Variants in ATRN observed in about 807,000 individuals in gnomAD.
ATRN encodes the protein attractin-2.
A neutral mutation model predicts 178.7 loss-of-function variants in ATRN; 54 were observed. The ratio of observed to expected loss-of-function variants is 0.30; its 90% CI spans 0.24 to 0.38. The LOEUF (loss-of-function observed/expected upper bound fraction) is 0.38. ATRN is among the 10% of genes least tolerant of loss of function. ATRN has a pLI of 1.00. For missense variants in ATRN, 1,443 were observed against 1,815.1 expected, an observed-to-expected ratio of 0.79 and a Z score of 3.73; for synonymous variants, 636 against 663.0, an observed-to-expected ratio of 0.96 and a Z score of 0.63.
chr20:3,559,052 A>G (rs2085916727), intron 6 of ATRN, among the ~76,000 whole-genome samples: 1 of 152,160 alleles, frequency 6.6e-6, no homozygotes. Context: ...ATGATTAAAT[A>G]AAAGAAAAGT....
In ATRN at chr20:3,535,329, GA is replaced by G; in HGVS notation, c.489del (p.Gly164AspfsTer6). The G allele has an allele frequency of 1.3e-6, 2 of 1,534,694 alleles. No homozygotes were observed. Among genetic ancestry groups the G allele is most frequent in the Non-Finnish European group, 1.8e-6 (2 of 1,131,442 alleles). On this transcript the variant is annotated frameshift_variant, in exon 2 of 29. Transcript: ENST00000262919. LOFTEE classifies it high-confidence loss of function. ...KYKTKCTWLI[E>X]GQPNRIMRLR... ...CAAAACGAAGTGCACGTGGCTCATT[GA>G]AGGACAGTAAGTAGAAATGGCTGAC...
At chr20:3,584,950 T>C (rs117315315) in intron 18 of ATRN, 70 bp downstream of exon 18, 19,355 of 1,436,094 alleles carry the variant, frequency 0.013, 212 homozygotes, top group South Asian at 0.029. Flanking sequence ...CCTTGAAAGC[T>C]ACGTTGTGTA....
In ATRN at chr20:3,471,220, C is replaced by T. The variant is rs1425260651; in HGVS notation, c.113C>T (p.Ala38Val). The T allele has an allele frequency of 3.4e-6, 5 of 1,469,398 alleles. No individual in the cohort carries two copies. In the South Asian group the frequency reaches 5.3e-5, roughly 15 times the overall value. The allele number at this position is 1,469,398 out of a possible 1,614,324, so 91.0% of individuals were successfully genotyped here. A position where few individuals can be genotyped will look rare whatever the true frequency, so the allele number is the denominator to read the frequency against. The part of the protein sequence containing the change: ...GPHWDWDVTR[A>V]GRPGLGAGLR... ...CACTGGGACTGGGACGTGACCAGGGCTGGGAGGCCGGGGCTGGGGGCCGGG... is the reference window on the plus strand; with the variant it reads ...CACTGGGACTGGGACGTGACCAGGGTTGGGAGGCCGGGGCTGGGGGCCGGG... The change falls in exon 1 of 29, where the codon GCT (alanine) becomes GTT (valine). Residue 38 changes from alanine to valine, a missense_variant. Physicochemically the swap from Ala to Val is moderately conservative, Grantham distance 64 (BLOSUM62 0). Transcript: ENST00000262919.
chr20:3,615,344 A>C (rs1003796623), intron 24 of ATRN, among the ~76,000 whole-genome samples: 1 of 150,664 alleles, frequency 6.6e-6, no homozygotes, highest in African/African-American at 2.4e-5. Context: ...CACAAGAATC[A>C]CTTGAACCCA....
intron 24 of ATRN, among the ~76,000 whole-genome samples, chr20:3,617,725 G>A (rs1466650062): frequency 6.6e-6 from 1 of 152,166 alleles, no homozygotes; most frequent in Non-Finnish European, 1.5e-5. Flanking sequence ...AAAGGTATGA[G>A]TATATGATTT....
At chr20:3,574,836 C>T (rs953142526) in intron 12 of ATRN, among the ~76,000 whole-genome samples, 1 of 152,176 alleles carries the variant, frequency 6.6e-6, no homozygotes, top group South Asian at 2.1e-4. Context: ...GGAAGAGCAG[C>T]CTAAGGAGCC....
chr20:3,539,188 A>G (rs536917274), intron 2 of ATRN, among the ~76,000 whole-genome samples: 7 of 152,348 alleles, frequency 4.6e-5, no homozygotes, highest in Non-Finnish European at 1.0e-4. Flanking sequence ...CATCAGCAGG[A>G]TATAATGATG....
intron 1 of ATRN, among the ~76,000 whole-genome samples, chr20:3,519,888 C>T: frequency 6.6e-6 from 1 of 152,004 alleles, no homozygotes; most frequent in Non-Finnish European, 1.5e-5. Context: ...GACTGCAATC[C>T]AAGAATACCA....
At chr20:3,587,965 G>C (rs897387656) in intron 18 of ATRN, among the ~76,000 whole-genome samples, 2 of 152,110 alleles carry the variant, frequency 1.3e-5, no homozygotes, top group East Asian at 1.9e-4. Flanking sequence ...TCCAGCCTCA[G>C]CCTCTCGAGT....
chr20:3,596,425 T>C lies in ATRN; in HGVS notation c.3465T>C (p.Cys1155=). The change falls in exon 21 of 29, where the codon TGT becomes TGC. Residue 1155 remains cysteine (C), a synonymous_variant. Coordinates refer to ENST00000262919, the MANE Select transcript of ATRN (RefSeq NM_139321.3). ...RYQGNPLRGT[C]YYTLLIDYQF... is the part of the protein sequence containing the mutation. Reference sequence around the variant, plus strand: ...AAGGAAACCCTCTCAGAGGAACATGTTATTGTAAGTGGTTTTGCAATTCTT... The same window carrying C: ...AAGGAAACCCTCTCAGAGGAACATGCTATTGTAAGTGGTTTTGCAATTCTT... 5.6e-6 allele frequency: 9 copies of C among 1,613,084 alleles called. No homozygotes were observed. The highest frequency in any genetic ancestry group is 7.6e-6 in the Non-Finnish European group (9 of 1,179,118).
chr20:3,551,694 T>A (rs926022204), intron 6 of ATRN, among the ~76,000 whole-genome samples: 4 of 152,194 alleles, frequency 2.6e-5, no homozygotes, highest in African/African-American at 9.6e-5. Context: ...TATCTTCTTT[T>A]CATTTTTCAG....
intron 1 of ATRN, among the ~76,000 whole-genome samples, chr20:3,500,262 G>C (rs2084938836): frequency 6.6e-6 from 1 of 152,164 alleles, no homozygotes; most frequent in Admixed American, 6.5e-5. Context: ...CAACCATTGT[G>C]GAAGTCAGTA....
chr20:3,533,701 T>G (rs528315866), intron 1 of ATRN, among the ~76,000 whole-genome samples: 58 of 151,958 alleles, frequency 3.8e-4, no homozygotes, highest in Non-Finnish European at 6.2e-4. Context: ...TATCTTTGGG[T>G]TTTTTTTATC....
At chr20:3,641,986 A>C (rs1418272616) in intron 27 of ATRN, among the ~76,000 whole-genome samples, 1 of 152,360 alleles carries the variant, frequency 6.6e-6, no homozygotes, top group East Asian at 1.9e-4. Flanking sequence ...AAAAATAGAC[A>C]AGCCTAAAGT....
In ATRN at chr20:3,549,393, A is replaced by G. The variant is rs567686443; in HGVS notation, c.1112+55A>G. The G allele has an allele frequency of 4.0e-5, 56 of 1,410,288 alleles. No individual in the cohort carries two copies. The African/African-American group carries it at 7.8e-4, about 20-fold the overall frequency. The allele number at this position is 1,410,288 out of a possible 1,614,324, so 87.4% of individuals were successfully genotyped here. On this transcript the variant is annotated intron_variant, in intron 6 of 28. Transcript: ENST00000262919. ...GCTTAGTTTTTTATTTTGAAAATTTATAAAGCACAGATAAGCAAAAATAAA... is the reference window on the plus strand; with the variant it reads ...GCTTAGTTTTTTATTTTGAAAATTTGTAAAGCACAGATAAGCAAAAATAAA...
At position 3,583,982 on chromosome 20, in the gene ATRN, T is replaced by C; in HGVS notation, c.2849T>C (p.Met950Thr). 6.2e-7 allele frequency: 1 copy of C among 1,614,134 alleles called. No homozygotes were observed. The highest frequency in any genetic ancestry group is 1.6e-4 in the Middle Eastern group (1 of 6,062). The change falls in exon 17 of 29, where the codon ATG becomes ACG. Residue 950 changes from methionine to threonine, a missense_variant. Transcript: ENST00000262919. ...GDCTSGSSECMWCSNMKQCVD... is the reference protein window; with the variant it reads ...GDCTSGSSECTWCSNMKQCVD... ...TGCACCAGCGGCAGCTCTGAGTGCA[T>C]GTGGTGCAGCAACATGAAGCAGTGT...
At chr20:3,472,852 A>G (rs955442803) in intron 1 of ATRN, among the ~76,000 whole-genome samples, 3 of 152,240 alleles carry the variant, frequency 2.0e-5, no homozygotes, top group African/African-American at 7.2e-5. Context: ...GTGCAAACAA[A>G]GTTGTGGAGG....
At chr20:3,509,358 G>C (rs139318832) in intron 1 of ATRN, among the ~76,000 whole-genome samples, 10 of 152,282 alleles carry the variant, frequency 6.6e-5, no homozygotes, top group Non-Finnish European at 1.0e-4. Context: ...ACTTAAGAAG[G>C]ATTGCTAGAG....
rs2085693529 is a variant in ATRN, at chr20:3,545,851, A to G, written c.698A>G (p.Asp233Gly). The G allele has an allele frequency of 6.2e-7, 1 of 1,613,702 alleles. No individual in the cohort carries two copies. Among genetic ancestry groups the G allele is most frequent in the Non-Finnish European group, 8.5e-7 (1 of 1,179,880 alleles). Residue 233 changes from aspartate to glycine, a missense_variant, in exon 4 of 29, where the codon GAT (aspartate) becomes GGT (glycine). By Grantham distance (94) the Asp-to-Gly change is moderately conservative. Around this residue, in one of 4 missense-constraint regions of ATRN, gnomAD observed 862 missense variants for 972.1 expected, o/e 0.89. Transcript: ENST00000262919. ...SGYALLHFFS[D>G]AAYNLTGFNI... The stretch of plus-strand genomic sequence containing the variant: ...TATGCCTTGCTGCATTTTTTTAGTG[A>G]TGCTGCTTATAATTTGACTGGATTT...
Sources: gnomAD v4.1 joint callset for allele counts (sites outside exome capture counted in the v4.1 genomes callset) on GRCh38, gnomAD v4.1.1 for gene constraint, gnomAD v4.1.1 regional missense constraint, MANE v1.5 for transcripts, NCBI Gene and HGNC (gene_info 2026-07-23, HGNC 2026-07-21) for gene names.